The following PTK2 variants were observed in gnomAD, a reference collection of about 807,000 sequenced individuals.
PTK2 encodes the protein focal adhesion kinase 1.
A neutral mutation model predicts 150.1 loss-of-function variants in PTK2; 45 were observed. The ratio of observed to expected loss-of-function variants is 0.30; its 90% confidence interval spans 0.24 to 0.38. The LOEUF (loss-of-function observed/expected upper bound fraction) is 0.38. Among genes scored for constraint, PTK2 ranks in the 10% least tolerant of loss-of-function variants. PTK2 has a pLI of 1.00. For missense variants in PTK2, 919 were observed against 1,307.3 expected, an observed-to-expected ratio of 0.70 and a Z score of 4.58; for synonymous variants, 432 against 449.2, an observed-to-expected ratio of 0.96 and a Z score of 0.48.
At chr8:140,746,610 C>T (rs1183191568) in intron 18 of PTK2, 150 bp downstream of exon 21, 6 of 558,274 alleles carry the variant, frequency 1.1e-5, no homozygotes, top group African/African-American at 1.9e-5. Context: ...GATATTTATA[C>T]CCATATTCTC....
intron 5 of PTK2, among the ~76,000 whole-genome samples, chr8:140,850,093 C>A (rs1188348767): frequency 7.2e-6 from 1 of 138,874 alleles, no homozygotes; most frequent in Non-Finnish European, 1.6e-5. Flanking sequence ...TTTGCAAGAT[C>A]CTTCCAAAAA....
At chr8:140,776,577 A>T (rs2100078572) in intron 14 of PTK2, among the ~76,000 whole-genome samples, 1 of 152,244 alleles carries the variant, frequency 6.6e-6, no homozygotes, top group African/African-American at 2.4e-5. Flanking sequence ...ATAGCATCAA[A>T]AATAACCCCA....
rs528857140 is a variant in PTK2 at position 140,695,017 on chromosome 8, G to A, written c.2499+5874C>T. ...CTGTCTAAAAATCTGCATCTCCAGC[G>A]CAGACCACCTCCTCTGGGCTCTATG... On this transcript the variant is annotated intron_variant, in intron 26 of 31. Transcript: ENST00000522684. Among the ~76,000 whole-genome samples the A allele has an allele frequency of 2.1e-4, 32 of 152,334 alleles. No individual in the cohort carries two copies. In the Middle Eastern group the frequency reaches 0.01, roughly 49 times the overall value.
rs192257094 is a variant in PTK2, at chr8:140,977,441, G to A, written c.-122+23684C>T. ...GATCGAGACCATCCTGGCCAACACG[G>A]TGAAACCCCATCTCTACTAAAAATA... is the stretch of plus-strand genomic sequence containing the variant. On this transcript the variant is annotated intron_variant, in intron 1 of 31. Transcript: ENST00000522684. Among the ~76,000 whole-genome samples the A allele has an allele frequency of 2.2e-3, 332 of 152,202 alleles. 4 individuals are homozygous for A. Among genetic ancestry groups the A allele is most frequent in the African/African-American group, 6.7e-3 (279 of 41,524 alleles).
At chr8:140,681,498 G>A (rs1238558570) in intron 27 of PTK2, among the ~76,000 whole-genome samples, 10 of 152,146 alleles carry the variant, frequency 6.6e-5, no homozygotes, top group South Asian at 6.2e-4. Context: ...TTGGCCGGGC[G>A]CGGTGGCTCA....
In PTK2 at chr8:140,668,264, T is replaced by A. The variant is rs1279740299; in HGVS notation, c.2865+5A>T. On this transcript the variant is annotated splice_donor_5th_base_variant and intron_variant, in intron 30 of 31. Coordinates refer to ENST00000522684, the Ensembl canonical transcript of PTK2. ...TTGCCAGTACACAAAATGACTCTATTTTACCTTCACCATAGGGACATACTC... is the reference window on the plus strand; with the variant it reads ...TTGCCAGTACACAAAATGACTCTATATTACCTTCACCATAGGGACATACTC... The A allele has an allele frequency of 1.2e-6, 2 of 1,614,004 alleles. No individual in the cohort carries two copies. Among genetic ancestry groups the A allele is most frequent in the Non-Finnish European group, 1.7e-6 (2 of 1,179,964 alleles).
chr8:140,885,176 A>T (rs1383735832), intron 3 of PTK2, among the ~76,000 whole-genome samples: 2 of 152,240 alleles, frequency 1.3e-5, no homozygotes, highest in African/African-American at 4.8e-5. Flanking sequence ...CAGAGATATC[A>T]GTAAAGTGGG....
chr8:140,990,669 CT>C (rs1340776838), intron 1 of PTK2, among the ~76,000 whole-genome samples: 1 of 152,096 alleles, frequency 6.6e-6, no homozygotes, highest in Non-Finnish European at 1.5e-5. Flanking sequence ...TGGAAACATC[CT>C]TCTCATTGTT....
chr8:140,759,490 T>C (rs959275094), intron 16 of PTK2, among the ~76,000 whole-genome samples: 1 of 133,008 alleles, frequency 7.5e-6, no homozygotes, highest in Non-Finnish European at 1.5e-5. Context: ...GCCATGATTG[T>C]ACCACTGTAC....
At chr8:140,890,868 G>C in intron 2 of PTK2, 99 bp from the exon 3 acceptor site, 7 of 1,030,986 alleles carry the variant, frequency 6.8e-6, no homozygotes, top group Non-Finnish European at 1.0e-5. Flanking sequence ...ACTCTCTCTT[G>C]ATATGTTATA....
intron 10 of PTK2, 106 bp from the exon 11 acceptor site, chr8:140,803,756 A>G (rs2100096678): frequency 9.8e-6 from 10 of 1,024,668 alleles, no homozygotes; most frequent in Non-Finnish European, 1.5e-5. Context: ...CATCCTCCCT[A>G]AGACTGGAGG....
intron 17 of PTK2, among the ~76,000 whole-genome samples, chr8:140,748,706 A>G (rs950928440): frequency 1.3e-5 from 2 of 152,170 alleles, no homozygotes; most frequent in African/African-American, 4.8e-5. Context: ...GCATATAGAC[A>G]TACATATCTG....
At chr8:140,664,121 C>G (rs1004844479) in intron 31 of PTK2, among the ~76,000 whole-genome samples, 1 of 151,996 alleles carries the variant, frequency 6.6e-6, no homozygotes, top group Admixed American at 6.6e-5. Flanking sequence ...GTAGCTGGGA[C>G]TATAGGCGCG....
At chr8:140,757,125 T>A (rs2154534873) in intron 16 of PTK2, among the ~76,000 whole-genome samples, 1 of 152,316 alleles carries the variant, frequency 6.6e-6, no homozygotes, top group South Asian at 2.1e-4. Context: ...TACCTGTGTT[T>A]AAGTCATGGT....
chr8:140,829,440 T>C (rs529930808), intron 8 of PTK2, among the ~76,000 whole-genome samples: 5 of 152,302 alleles, frequency 3.3e-5, no homozygotes, highest in Admixed American at 3.3e-4. Flanking sequence ...CCAATGATAA[T>C]CAACATGACG....
chr8:140,860,172 T>C (rs2100135228), intron 5 of PTK2, among the ~76,000 whole-genome samples: 1 of 152,170 alleles, frequency 6.6e-6, no homozygotes, highest in African/African-American at 2.4e-5. Flanking sequence ...GATACATAAA[T>C]TTGAAACTCA....
intron 2 of PTK2, among the ~76,000 whole-genome samples, chr8:140,902,408 T>C (rs1276121042): frequency 1.3e-5 from 2 of 152,056 alleles, no homozygotes; most frequent in African/African-American, 2.4e-5. Flanking sequence ...CTGTGAACAG[T>C]GTTGCAATAA....
chr8:140,746,969 C>CA (rs2100059261), intron 17 of PTK2, 109 bp from the exon 21 acceptor site: 1 of 680,800 alleles, frequency 1.5e-6, no homozygotes, highest in African/African-American at 1.9e-5. Flanking sequence ...CGACTCATTG[C>CA]AACCTCCACC....
chr8:140,970,902 CA>C (rs897294620), intron 1 of PTK2, among the ~76,000 whole-genome samples: 4 of 150,996 alleles, frequency 2.6e-5, no homozygotes, highest in Non-Finnish European at 5.9e-5. Context: ...AAAAAAAAAC[CA>C]AAAAACAAAA....
Sources: gnomAD v4.1 joint callset for allele counts (sites outside exome capture counted in the v4.1 genomes callset) on GRCh38, gnomAD v4.1.1 for gene constraint, MANE v1.5 for transcripts, NCBI Gene and HGNC (gene_info 2026-07-23, HGNC 2026-07-21) for gene names.